The following C8orf34 variants were observed in gnomAD, a reference collection of about 807,000 sequenced individuals.
The protein encoded by C8orf34 is uncharacterized protein C8orf34.
Under a neutral mutation model 68.3 loss-of-function variants are expected in C8orf34, and 65 were observed. The ratio of observed to expected loss-of-function variants is 0.95; its 90% CI spans 0.78 to 1.17. The LOEUF (loss-of-function observed/expected upper bound fraction) is 1.17, where lower values mean the gene tolerates loss of function less well. Ranked by LOEUF, C8orf34 falls within the 50% of genes most tolerant of loss-of-function variation. The pLI is 0.00. For missense variants in C8orf34, 664 were observed against 655.4 expected, an observed-to-expected ratio of 1.01 and a Z score of -0.14; for synonymous variants, 244 against 241.2, an observed-to-expected ratio of 1.01 and a Z score of -0.11.
chr8:68,798,504 C>A (rs2129529463), intron 12 of C8orf34, among the ~76,000 whole-genome samples: 1 of 152,152 alleles, frequency 6.6e-6, no homozygotes, highest in South Asian at 2.1e-4. Flanking sequence ...GATGATAAAT[C>A]TCTAAATTAG....
chr8:68,674,795 T>C (rs1472298163), intron 8 of C8orf34, among the ~76,000 whole-genome samples: 1 of 152,050 alleles, frequency 6.6e-6, no homozygotes, highest in Non-Finnish European at 1.5e-5. Context: ...AAGAAGGTTA[T>C]AGAATCCCAA....
chr8:68,659,015 A>C (rs1333131816), intron 8 of C8orf34, among the ~76,000 whole-genome samples: 1 of 152,092 alleles, frequency 6.6e-6, no homozygotes, highest in African/African-American at 2.4e-5. Flanking sequence ...CAATTTTTGT[A>C]AACTCATCAG....
chr8:68,356,595 G>C (rs1435173290), intron 1 of C8orf34, among the ~76,000 whole-genome samples: 1 of 152,082 alleles, frequency 6.6e-6, no homozygotes, highest in Non-Finnish European at 1.5e-5. Context: ...AGTTTTCAGA[G>C]ATTCAGAGAT....
chr8:68,628,376 C>T (rs1818597495), intron 7 of C8orf34, among the ~76,000 whole-genome samples: 3 of 152,230 alleles, frequency 2.0e-5, no homozygotes, highest in Admixed American at 2.0e-4. Context: ...ATCTTTCCTT[C>T]GTCTTTCAAC....
intron 1 of C8orf34, among the ~76,000 whole-genome samples, chr8:68,422,378 C>T (rs1158801528): frequency 6.6e-6 from 1 of 152,184 alleles, no homozygotes; most frequent in Non-Finnish European, 1.5e-5. Context: ...AGAGGGGCTA[C>T]AGGCCCCATG....
At chr8:68,513,920 G>T (rs1473796417) in intron 5 of C8orf34, among the ~76,000 whole-genome samples, 1 of 152,090 alleles carries the variant, frequency 6.6e-6, no homozygotes, top group Non-Finnish European at 1.5e-5. Flanking sequence ...TATGGTTTCC[G>T]CTATCCTCAG....
intron 1 of C8orf34, among the ~76,000 whole-genome samples, chr8:68,339,489 TA>T (rs35604014): frequency 0.42 from 63,075 of 151,360 alleles, 13,306 homozygotes; most frequent in East Asian, 0.48. Flanking sequence ...TAAAAACTCT[TA>T]AAAAAAAGTT....
At chr8:68,337,666 C>A (rs1360695493) in intron 1 of C8orf34, among the ~76,000 whole-genome samples, 1 of 152,070 alleles carries the variant, frequency 6.6e-6, no homozygotes, top group East Asian at 1.9e-4. Context: ...TTTTAAAGAG[C>A]ACCTAGGGAA....
At chr8:68,767,597 A>T (rs1823217816) in intron 10 of C8orf34, among the ~76,000 whole-genome samples, 1 of 152,260 alleles carries the variant, frequency 6.6e-6, no homozygotes, top group African/African-American at 2.4e-5. Flanking sequence ...GAAATAAGAT[A>T]AAGCTCCTCT....
At chr8:68,632,378 G>T (rs192007090) in intron 7 of C8orf34, among the ~76,000 whole-genome samples, 1 of 152,160 alleles carries the variant, frequency 6.6e-6, no homozygotes, top group African/African-American at 2.4e-5. Context: ...TTTGGTAAAA[G>T]TGTATGCCCA....
intron 7 of C8orf34, among the ~76,000 whole-genome samples, chr8:68,553,384 C>CA (rs553767784): frequency 0.1 from 1,366 of 13,354 alleles, 94 homozygotes; most frequent in African/African-American, 0.22. Context: ...GACTCCATCT[C>CA]AAAAAAAAAA....
chr8:68,417,637 G>A (rs1405245851), intron 1 of C8orf34, among the ~76,000 whole-genome samples: 1 of 152,076 alleles, frequency 6.6e-6, no homozygotes, highest in Non-Finnish European at 1.5e-5. Context: ...TTGGTGGACT[G>A]GAAACTTTGG....
At chr8:68,735,414 A>C (rs1822096912) in intron 10 of C8orf34, among the ~76,000 whole-genome samples, 1 of 152,178 alleles carries the variant, frequency 6.6e-6, no homozygotes, top group Non-Finnish European at 1.5e-5. Context: ...GCATCATGTG[A>C]ATGTTTTGTC....
chr8:68,760,796 C>T (rs2129527995), intron 10 of C8orf34, among the ~76,000 whole-genome samples: 1 of 152,166 alleles, frequency 6.6e-6, no homozygotes, highest in African/African-American at 2.4e-5. Flanking sequence ...AAAATATCTA[C>T]CTGAGATAAT....
chr8:68,767,566 T>C (rs929226905), intron 10 of C8orf34, among the ~76,000 whole-genome samples: 3 of 152,244 alleles, frequency 2.0e-5, no homozygotes, highest in Non-Finnish European at 4.4e-5. Flanking sequence ...CAGTTCTCTA[T>C]ATTTTTCTGA....
intron 1 of C8orf34, among the ~76,000 whole-genome samples, chr8:68,337,902 A>G (rs1440176903): frequency 2.6e-5 from 4 of 152,224 alleles, no homozygotes; most frequent in African/African-American, 9.6e-5. Flanking sequence ...TTAAACAATA[A>G]ATGCACAAGA....
chr8:68,756,589 G>T (rs1180607448), intron 10 of C8orf34, among the ~76,000 whole-genome samples: 1 of 151,852 alleles, frequency 6.6e-6, no homozygotes, highest in Non-Finnish European at 1.5e-5. Context: ...AAGTATGAAA[G>T]CTTAAATAAT....
chr8:68,482,823 G>C (rs187612415), intron 4 of C8orf34, among the ~76,000 whole-genome samples: 4 of 152,176 alleles, frequency 2.6e-5, no homozygotes. Context: ...GGAATGTGGG[G>C]AGTTGGTTTT....
At chr8:68,642,909 C>G (rs1819054058) in intron 8 of C8orf34, among the ~76,000 whole-genome samples, 1 of 152,186 alleles carries the variant, frequency 6.6e-6, no homozygotes, top group South Asian at 2.1e-4. Flanking sequence ...AACCTAGATC[C>G]CTTCATGCAT....
Sources: allele counts gnomAD v4.1 joint callset (sites outside exome capture counted in the v4.1 genomes callset), GRCh38; gene constraint gnomAD v4.1.1; transcripts MANE v1.5; gene names NCBI Gene and HGNC (gene_info 2026-07-23, HGNC 2026-07-21).